Variants in GMPR observed in about 807,000 individuals in gnomAD.
GMPR encodes the protein guanosine monophosphate reductase.
GMPR carries 31 observed loss-of-function variants against 38.4 expected under a neutral mutation model. That is an observed-to-expected ratio of 0.81 (90% confidence interval 0.61 to 1.09). GMPR has a LOEUF of 1.09. Among genes scored for constraint, GMPR ranks in the 50% least tolerant of loss-of-function variants. The probability of loss-of-function intolerance (pLI) is 0.00; values close to 1 mark genes in which losing one functional copy is unlikely to be tolerated. For missense variants in GMPR, 468 were observed against 453.7 expected (o/e 1.03, Z -0.29); for synonymous variants, 162 against 173.3 (o/e 0.93, Z 0.51).
At chr6:16,275,480 C>T (rs965489870) in intron 5 of GMPR, among the ~76,000 whole-genome samples, 2 of 152,044 alleles carry the variant, frequency 1.3e-5, no homozygotes, top group African/African-American at 4.8e-5. Flanking sequence ...GTAAAAATAC[C>T]CAAGCTTTTA....
chr6:16,266,075 C>T (rs1313016876), intron 4 of GMPR, among the ~76,000 whole-genome samples: 1 of 151,538 alleles, frequency 6.6e-6, no homozygotes, highest in Admixed American at 6.6e-5. Context: ...TGAACAACTC[C>T]CGACGGGCTA....
At chr6:16,253,917 A>T (rs1386606097) in intron 3 of GMPR, among the ~76,000 whole-genome samples, 1 of 145,416 alleles carries the variant, frequency 6.9e-6, no homozygotes, top group African/African-American at 2.5e-5. Flanking sequence ...GGTAGTCATT[A>T]TTTTTTTTTT....
intron 4 of GMPR, among the ~76,000 whole-genome samples, chr6:16,270,842 T>C (rs1189585040): frequency 6.6e-6 from 1 of 152,110 alleles, no homozygotes; most frequent in Non-Finnish European, 1.5e-5. Context: ...TGGAGAGACA[T>C]TTGCACAAGC....
intron 1 of GMPR, among the ~76,000 whole-genome samples, chr6:16,239,481 G>A (rs1758603627): frequency 6.6e-6 from 1 of 152,240 alleles, no homozygotes. Flanking sequence ...AGACCGGACT[G>A]GAAATAGCCT....
chr6:16,261,952 A>C (rs553394209), intron 4 of GMPR, among the ~76,000 whole-genome samples: 15 of 151,938 alleles, frequency 9.9e-5, no homozygotes, highest in East Asian at 1.9e-4. Flanking sequence ...AATTTAGTTA[A>C]AGTGTCTCGG....
chr6:16,263,833 G>A (rs1759136956), intron 4 of GMPR, among the ~76,000 whole-genome samples: 1 of 151,534 alleles, frequency 6.6e-6, no homozygotes, highest in African/African-American at 2.4e-5. Context: ...GAGATAAGAG[G>A]TCGGGGCACA....
At chr6:16,250,428 C>A in intron 3 of GMPR, 61 bp downstream of exon 3, 1 of 934,150 alleles carries the variant, frequency 1.1e-6, no homozygotes, top group Non-Finnish European at 1.8e-6. Context: ...ATCTTCAGAG[C>A]TGTCAAGAGG....
intron 7 of GMPR, 147 bp downstream of exon 7, chr6:16,285,982 A>T: frequency 2.8e-6 from 2 of 705,908 alleles, no homozygotes; most frequent in Non-Finnish European, 5.0e-6. Context: ...TTTCAGCCCC[A>T]ATTGGCCCAA....
chr6:16,271,938 C>T (rs1296318208), intron 4 of GMPR, among the ~76,000 whole-genome samples: 3 of 152,090 alleles, frequency 2.0e-5, no homozygotes, highest in African/African-American at 7.2e-5. Flanking sequence ...AGGCTGGGTG[C>T]GGTGCCTCAC....
intron 6 of GMPR, among the ~76,000 whole-genome samples, chr6:16,284,396 T>G (rs1016456947): frequency 2.0e-5 from 3 of 152,226 alleles, no homozygotes; most frequent in Non-Finnish European, 2.9e-5. Flanking sequence ...GTGTGCACTT[T>G]CCTGCAGGTT....
At chr6:16,278,473 G>T (rs938476417) in intron 5 of GMPR, among the ~76,000 whole-genome samples, 6 of 152,142 alleles carry the variant, frequency 3.9e-5, no homozygotes, top group Admixed American at 6.5e-5. Flanking sequence ...AAAGGTCAGT[G>T]CCTGGCTATT....
intron 4 of GMPR, among the ~76,000 whole-genome samples, chr6:16,267,646 T>G (rs1223072730): frequency 6.6e-6 from 1 of 152,032 alleles, no homozygotes; most frequent in African/African-American, 2.4e-5. Context: ...CAGCCGAAGG[T>G]CTGTGGCTCC....
chr6:16,253,503 T>G (rs1449313907), intron 3 of GMPR, among the ~76,000 whole-genome samples: 2 of 152,068 alleles, frequency 1.3e-5, no homozygotes, highest in Non-Finnish European at 2.9e-5. Context: ...ACACTTTTAA[T>G]GACCAGATCT....
intron 1 of GMPR, among the ~76,000 whole-genome samples, chr6:16,240,879 C>T (rs1758635870): frequency 6.6e-6 from 1 of 152,074 alleles, no homozygotes; most frequent in Non-Finnish European, 1.5e-5. Context: ...CTCAGGTTAA[C>T]CAGCATTGCC....
At chr6:16,252,489 C>G (rs563108733) in intron 3 of GMPR, among the ~76,000 whole-genome samples, 2 of 152,246 alleles carry the variant, frequency 1.3e-5, no homozygotes, top group East Asian at 3.9e-4. Flanking sequence ...CCACCCACCT[C>G]GGCCTCCTAA....
intron 6 of GMPR, 127 bp downstream of exon 6, chr6:16,279,017 A>C: frequency 1.6e-6 from 1 of 632,446 alleles, no homozygotes; most frequent in Non-Finnish European, 2.8e-6. Flanking sequence ...CACAGCGCTG[A>C]CATTCAGCAG....
chr6:16,266,951 C>T (rs1032493029), intron 4 of GMPR, among the ~76,000 whole-genome samples: 2 of 151,800 alleles, frequency 1.3e-5, no homozygotes, highest in Admixed American at 6.6e-5. Context: ...CGGCTTCACT[C>T]CTGAAGTCGG....
chr6:16,252,143 T>C (rs1758887315), intron 3 of GMPR, among the ~76,000 whole-genome samples: 1 of 152,268 alleles, frequency 6.6e-6, no homozygotes, highest in Non-Finnish European at 1.5e-5. Context: ...CCTTCATTTT[T>C]GCCATATTGT....
At chr6:16,275,381 G>A (rs949190253) in intron 5 of GMPR, among the ~76,000 whole-genome samples, 2 of 152,162 alleles carry the variant, frequency 1.3e-5, no homozygotes, top group Non-Finnish European at 2.9e-5. Context: ...CGCAGGAGAC[G>A]CTGTTGAGCT....
Sources: allele counts gnomAD v4.1 joint callset (sites outside exome capture counted in the v4.1 genomes callset), GRCh38; gene constraint gnomAD v4.1.1; transcripts MANE v1.5; gene names NCBI Gene and HGNC (gene_info 2026-07-23, HGNC 2026-07-21).